LRRIQ1: variants seen among roughly 807,000 people sequenced by gnomAD.
LRRIQ1 encodes the protein leucine-rich repeat- and IQ domain-containing protein 1.
In LRRIQ1, 210 loss-of-function variants were observed where a neutral mutation model predicts 211.9. The ratio of observed to expected loss-of-function variants is 0.99; its 90% CI spans 0.89 to 1.11. The LOEUF (loss-of-function observed/expected upper bound fraction) is 1.11, where lower values mean the gene tolerates loss of function less well. LRRIQ1 is among the 50% of genes most tolerant of loss of function. The pLI is 0.00. For missense variants in LRRIQ1, 2,136 were observed against 1,939.5 expected (o/e 1.10, Z -1.90); for synonymous variants, 699 against 650.1 (o/e 1.08, Z -1.14).
At chr12:85,151,054 C>G (rs1029204723) in intron 19 of LRRIQ1, among the ~76,000 whole-genome samples, 2 of 151,188 alleles carry the variant, frequency 1.3e-5, no homozygotes, top group Non-Finnish European at 3.0e-5. Flanking sequence ...TGCAAAAGAG[C>G]TCTTGAATTT....
chr12:85,121,833 C>T lies in LRRIQ1; in HGVS notation c.3514C>T (p.Arg1172Ter), dbSNP rs148400374. ...GFLALCQSQI[R>*]EFNLLIENYI... ...CCTGGCACTTTGTCAGTCTCAGATT[C>T]GAGAATTCAACTTGCTAATTGAAAA... is the stretch of plus-strand genomic sequence containing the variant. Residue 1172 changes from arginine to a stop codon, truncating the protein, a stop_gained, in exon 16 of 27, where the codon CGA (arginine) becomes TGA (stop). Coordinates refer to ENST00000393217, the MANE Select transcript of LRRIQ1 (RefSeq NM_001079910.2). LOFTEE classifies it high-confidence loss of function. 7.5e-6 allele frequency: 12 copies of T among 1,605,788 alleles called. No individual in the cohort carries two copies. The highest frequency in any genetic ancestry group is 2.7e-5 in the African/African-American group (2 of 74,542).
intron 6 of LRRIQ1, chr12:85,048,333 G>C (rs1879886199): frequency 1.3e-5 from 2 of 152,350 alleles, no homozygotes; most frequent in Non-Finnish European, 1.5e-5. Context: ...GCCGAGACGG[G>C]TGTATAACGA....
At chr12:85,114,824 G>A (rs1333296200) in intron 15 of LRRIQ1, among the ~76,000 whole-genome samples, 1 of 151,958 alleles carries the variant, frequency 6.6e-6, no homozygotes, top group Non-Finnish European at 1.5e-5. Flanking sequence ...TTTATCTAAA[G>A]GATTTTAAAT....
intron 6 of LRRIQ1, among the ~76,000 whole-genome samples, chr12:85,049,042 A>G (rs1364101387): frequency 6.6e-6 from 1 of 152,216 alleles, no homozygotes; most frequent in South Asian, 2.1e-4. Flanking sequence ...AATTTATCAT[A>G]TAATTATGAT....
Position 85,128,083 on chromosome 12 carries a change from C to G in LRRIQ1, c.4209+50C>G, listed in dbSNP as rs1431307087. ...TAGTTACAAAAGATATATTAGTTGTCTTTCATGATTTATTCTGTATTAAAA... is the reference window on the plus strand; with the variant it reads ...TAGTTACAAAAGATATATTAGTTGTGTTTCATGATTTATTCTGTATTAAAA... On this transcript the variant is annotated intron_variant, in intron 18 of 26. Transcript: ENST00000393217. The G allele has an allele frequency of 3.1e-6, 4 of 1,296,674 alleles. No homozygotes were observed. In the East Asian group the frequency reaches 9.2e-5, roughly 30 times the overall value. 80.3% of individuals were successfully genotyped at this position (1,296,674 alleles called of 1,614,324 possible). A position where few individuals can be genotyped will look rare whatever the true frequency, so the allele number is the denominator to read the frequency against.
chr12:85,234,909 T>C (rs558819882), intron 26 of LRRIQ1, among the ~76,000 whole-genome samples: 2 of 152,252 alleles, frequency 1.3e-5, no homozygotes, highest in Admixed American at 6.5e-5. Context: ...AAAGATAAAT[T>C]TAGTAAATCA....
At chr12:85,212,461 G>C (rs374459408) in intron 24 of LRRIQ1, among the ~76,000 whole-genome samples, 1 of 151,932 alleles carries the variant, frequency 6.6e-6, no homozygotes, top group Non-Finnish European at 1.5e-5. Flanking sequence ...GCAGATGGAA[G>C]ATCCAAGTTG....
intron 23 of LRRIQ1, among the ~76,000 whole-genome samples, chr12:85,158,777 A>G (rs1283056632): frequency 2.6e-5 from 4 of 151,954 alleles, no homozygotes; most frequent in African/African-American, 7.2e-5. Flanking sequence ...ACCACAGAGG[A>G]GTAGACTTAA....
chr12:85,162,987 A>G (rs1565878721), intron 24 of LRRIQ1, among the ~76,000 whole-genome samples: 1 of 152,188 alleles, frequency 6.6e-6, no homozygotes, highest in African/African-American at 2.4e-5. Context: ...GAAAACAGTG[A>G]CGAAAAGTGA....
At chr12:85,110,396 A>T (rs1887089327) in intron 15 of LRRIQ1, among the ~76,000 whole-genome samples, 2 of 152,150 alleles carry the variant, frequency 1.3e-5, no homozygotes, top group Admixed American at 1.3e-4. Context: ...ATGCCTAATA[A>T]TTATGTATGT....
chr12:85,144,911 G>T (rs1889786159), intron 19 of LRRIQ1, among the ~76,000 whole-genome samples: 1 of 151,396 alleles, frequency 6.6e-6, no homozygotes, highest in African/African-American at 2.4e-5. Context: ...TTCAGATGAT[G>T]TAATTGAATT....
chr12:85,184,787 G>C (rs1892151722), intron 24 of LRRIQ1, among the ~76,000 whole-genome samples: 1 of 151,934 alleles, frequency 6.6e-6, no homozygotes, highest in East Asian at 1.9e-4. Flanking sequence ...AGGTCAAGAA[G>C]TATTTCCTTA....
chr12:85,244,840 A>G lies in LRRIQ1; in HGVS notation c.5068A>G (p.Asn1690Asp), dbSNP rs1895643504. 1.2e-6 allele frequency: 2 copies of G among 1,610,458 alleles called. No homozygotes were observed. The highest frequency in any genetic ancestry group is 2.7e-5 in the African/African-American group (2 of 74,736). Residue 1690 changes from asparagine to aspartate, a missense_variant, in exon 27 of 27, where the codon AAT (asparagine) becomes GAT (aspartate). Asn to Asp is a conservative substitution (Grantham distance 23). Coordinates refer to ENST00000393217, the MANE Select transcript of LRRIQ1 (RefSeq NM_001079910.2). Reference sequence around the variant, plus strand: ...GGATTTAGACCTTTTTTCCATGACCAATGGAAGTGCTTTGTCTGTGAACAG... The same window carrying G: ...GGATTTAGACCTTTTTTCCATGACCGATGGAAGTGCTTTGTCTGTGAACAG... ...DTDLDLFSMT[N>D]GSALSVNREK...
intron 18 of LRRIQ1, among the ~76,000 whole-genome samples, chr12:85,130,072 A>G (rs548696375): frequency 1.3e-5 from 2 of 152,208 alleles, no homozygotes; most frequent in African/African-American, 4.8e-5. Context: ...AAATTCAGAA[A>G]AAAAGAAATT....
intron 7 of LRRIQ1, among the ~76,000 whole-genome samples, chr12:85,054,934 T>C (rs568681222): frequency 6.6e-6 from 1 of 152,286 alleles, no homozygotes; most frequent in South Asian, 2.1e-4. Flanking sequence ...TTTAGGACTC[T>C]AGTAAAAATA....
intron 15 of LRRIQ1, among the ~76,000 whole-genome samples, chr12:85,110,148 T>A (rs1378404068): frequency 6.6e-6 from 1 of 152,146 alleles, no homozygotes; most frequent in Non-Finnish European, 1.5e-5. Flanking sequence ...TATGGGATCT[T>A]ATTTAATCAC....
At chr12:85,168,161 G>T (rs1891242280) in intron 24 of LRRIQ1, among the ~76,000 whole-genome samples, 1 of 152,122 alleles carries the variant, frequency 6.6e-6, no homozygotes, top group Non-Finnish European at 1.5e-5. Flanking sequence ...ACCTCAGCAG[G>T]TCATGGTTTT....
chr12:85,181,110 A>AT (rs1891959344), intron 24 of LRRIQ1, among the ~76,000 whole-genome samples: 2 of 151,936 alleles, frequency 1.3e-5, no homozygotes, highest in South Asian at 4.1e-4. Flanking sequence ...TATATATACT[A>AT]TCCCTTGAAC....
At chr12:85,155,966 A>T (rs1197562824) in intron 23 of LRRIQ1, among the ~76,000 whole-genome samples, 1 of 151,608 alleles carries the variant, frequency 6.6e-6, no homozygotes, top group Admixed American at 6.6e-5. Flanking sequence ...CAAAAATTAA[A>T]CCTCTTTTAT....
Sources: allele counts gnomAD v4.1 joint callset (sites outside exome capture counted in the v4.1 genomes callset), GRCh38; gene constraint gnomAD v4.1.1; transcripts MANE v1.5; gene names NCBI Gene and HGNC (gene_info 2026-07-23, HGNC 2026-07-21).